Variants in DLG2 observed in about 807,000 individuals in gnomAD.
The protein encoded by DLG2 is disks large homolog 2.
Under a neutral mutation model 132.5 loss-of-function variants are expected in DLG2, and 45 were observed. The ratio of observed to expected loss-of-function variants is 0.34; its 90% confidence interval spans 0.27 to 0.44. DLG2 has a LOEUF of 0.44. Among genes scored for constraint, DLG2 ranks in the 20% least tolerant of loss-of-function variants. The pLI is 1.00. For missense variants in DLG2, 1,045 were observed against 1,196.9 expected, an observed-to-expected ratio of 0.87 and a Z score of 1.87; for synonymous variants, 424 against 419.6, an observed-to-expected ratio of 1.01 and a Z score of -0.13.
At chr11:85,500,320 T>C (rs2093768373) in intron 3 of DLG2, among the ~76,000 whole-genome samples, 1 of 132,792 alleles carries the variant, frequency 7.5e-6, no homozygotes, top group South Asian at 2.3e-4. Flanking sequence ...ATATTCTCAC[T>C]CATAGGTGGG....
At chr11:85,360,466 C>A (rs450444) in intron 3 of DLG2, among the ~76,000 whole-genome samples, 1 of 151,900 alleles carries the variant, frequency 6.6e-6, no homozygotes, top group African/African-American at 2.4e-5. Context: ...TGTTATTAGC[C>A]GGGTCTTACC....
At chr11:84,865,757 G>A (rs1015528297) in intron 6 of DLG2, among the ~76,000 whole-genome samples, 6 of 152,158 alleles carry the variant, frequency 3.9e-5, no homozygotes, top group Admixed American at 2.0e-4. Context: ...AGCCATCAAA[G>A]CTGAAAATGT....
At chr11:85,617,925 T>C (rs1377354529) in intron 2 of DLG2, among the ~76,000 whole-genome samples, 1 of 152,212 alleles carries the variant, frequency 6.6e-6, no homozygotes, top group Admixed American at 6.5e-5. Flanking sequence ...TTTGAAAGTT[T>C]AAATTTAATA....
intron 21 of DLG2, among the ~76,000 whole-genome samples, chr11:83,530,810 G>A (rs2095720506): frequency 6.6e-6 from 1 of 151,880 alleles, no homozygotes; most frequent in East Asian, 1.9e-4. Context: ...CTTTTTGCAT[G>A]TATATCTTGT....
intron 9 of DLG2, among the ~76,000 whole-genome samples, chr11:84,144,075 A>G (rs1234510141): frequency 1.3e-5 from 2 of 152,120 alleles, no homozygotes; most frequent in Non-Finnish European, 2.9e-5. Context: ...CATGTCTAAG[A>G]AGTTGGGGCC....
intron 16 of DLG2, among the ~76,000 whole-genome samples, chr11:83,854,334 C>T (rs1237721785): frequency 2.0e-5 from 3 of 151,990 alleles, no homozygotes; most frequent in South Asian, 4.2e-4. Context: ...TAGTGCAATC[C>T]CAATCAAAAT....
chr11:85,190,728 T>A (rs1349372030), intron 4 of DLG2, among the ~76,000 whole-genome samples: 1 of 152,126 alleles, frequency 6.6e-6, no homozygotes, highest in Non-Finnish European at 1.5e-5. Flanking sequence ...AACACCCCTA[T>A]GCACATAAAT....
chr11:84,747,507 G>T (rs2153831135), intron 6 of DLG2, among the ~76,000 whole-genome samples: 1 of 152,216 alleles, frequency 6.6e-6, no homozygotes, highest in East Asian at 1.9e-4. Context: ...ATGTGATCTT[G>T]GGCAACTTAG....
chr11:83,504,002 T>C (rs1300659790), intron 21 of DLG2, among the ~76,000 whole-genome samples: 1 of 152,172 alleles, frequency 6.6e-6, no homozygotes, highest in African/African-American at 2.4e-5. Context: ...ACCCAAATAC[T>C]ATTAAAGTTA....
At chr11:83,695,795 A>G (rs938723115) in intron 18 of DLG2, among the ~76,000 whole-genome samples, 2 of 152,142 alleles carry the variant, frequency 1.3e-5, no homozygotes, top group African/African-American at 4.8e-5. Flanking sequence ...TAGAAGGCCT[A>G]AGAAGCTGTT....
At chr11:84,553,970 T>A (rs2154524728) in intron 6 of DLG2, among the ~76,000 whole-genome samples, 1 of 152,328 alleles carries the variant, frequency 6.6e-6, no homozygotes, top group South Asian at 2.1e-4. Flanking sequence ...AGTTTAGACT[T>A]TCACTTCTAG....
At chr11:85,216,667 C>G (rs2152575306) in intron 4 of DLG2, among the ~76,000 whole-genome samples, 1 of 152,094 alleles carries the variant, frequency 6.6e-6, no homozygotes, top group African/African-American at 2.4e-5. Flanking sequence ...GGGTCGGTCA[C>G]CTAGTTGAGA....
At chr11:85,293,480 C>A (rs2079036978) in intron 3 of DLG2, among the ~76,000 whole-genome samples, 1 of 151,990 alleles carries the variant, frequency 6.6e-6, no homozygotes, top group Non-Finnish European at 1.5e-5. Context: ...TATCAAATAC[C>A]AAGAAGAACA....
chr11:85,349,456 C>T (rs1056563592), intron 3 of DLG2, among the ~76,000 whole-genome samples: 2 of 151,974 alleles, frequency 1.3e-5, no homozygotes, highest in Non-Finnish European at 2.9e-5. Context: ...TACATGTGCA[C>T]AATGTGTAGG....
intron 6 of DLG2, among the ~76,000 whole-genome samples, chr11:84,997,039 C>T (rs1407795716): frequency 6.6e-6 from 1 of 152,094 alleles, no homozygotes. Flanking sequence ...TAAAACAACC[C>T]TGGTGGGGCA....
chr11:84,287,146 T>C (rs1478461749), intron 7 of DLG2, among the ~76,000 whole-genome samples: 3 of 152,340 alleles, frequency 2.0e-5, no homozygotes, highest in South Asian at 2.1e-4. Context: ...TCTTTACATG[T>C]ACATATTTCT....
rs763094861 is a variant in DLG2, at chr11:83,587,957, G to A, written c.1940+45254C>T. Among the ~76,000 whole-genome samples, 5 of 152,216 alleles carry A rather than the reference G, an allele frequency of 3.3e-5. No homozygotes were observed. The East Asian group carries it at 5.8e-4, about 18-fold the overall frequency. On this transcript the variant is annotated intron_variant, in intron 19 of 27. Coordinates refer to ENST00000376104, the MANE Select transcript of DLG2 (RefSeq NM_001142699.3). Reference sequence around the variant, plus strand: ...ATGGGCTTAAAAAATGGCGCACCACGAGATTATATCCCGCACCTGGCTCAG... The same window carrying A: ...ATGGGCTTAAAAAATGGCGCACCACAAGATTATATCCCGCACCTGGCTCAG...
At chr11:84,579,750 AGGT>A (rs1276428590) in intron 6 of DLG2, among the ~76,000 whole-genome samples, 1 of 152,236 alleles carries the variant, frequency 6.6e-6, no homozygotes, top group East Asian at 1.9e-4. Flanking sequence ...TGCAGGAAGT[AGGT>A]AGAAGAACAG....
intron 6 of DLG2, among the ~76,000 whole-genome samples, chr11:84,860,295 ATGTTTCTT>A (rs2083434377): frequency 6.6e-6 from 1 of 152,050 alleles, no homozygotes. Flanking sequence ...CCCACAATCT[ATGTTTCTT>A]TGTTTCTGTC....
Sources: allele counts gnomAD v4.1 joint callset (sites outside exome capture counted in the v4.1 genomes callset), GRCh38; gene constraint gnomAD v4.1.1; transcripts MANE v1.5; gene names NCBI Gene and HGNC (gene_info 2026-07-23, HGNC 2026-07-21).